The following RARS2 variants were observed in gnomAD, a reference collection of about 807,000 sequenced individuals.
The protein encoded by RARS2 is probable arginine--tRNA ligase, mitochondrial.
RARS2 carries 67 observed loss-of-function variants against 88.5 expected under a neutral mutation model. The observed-to-expected ratio is 0.76, with a 90% CI of 0.62 to 0.93. The LOEUF (loss-of-function observed/expected upper bound fraction) is 0.93, where lower values mean the gene tolerates loss of function less well. Among genes scored for constraint, RARS2 ranks in the 40% least tolerant of loss-of-function variants. The pLI is 0.00. For missense variants in RARS2, 664 were observed against 684.2 expected (o/e 0.97, Z 0.33); for synonymous variants, 239 against 230.3 (o/e 1.04, Z -0.34).
At chr6:87,524,494 T>G (rs1246164343) in intron 11 of RARS2, 63 bp downstream of exon 11, 7 of 1,227,556 alleles carry the variant, frequency 5.7e-6, no homozygotes, top group African/African-American at 1.5e-5. Flanking sequence ...TAATTGTACA[T>G]AGTGTTTCAT....
At chr6:87,540,902 A>G (rs12660483) in intron 8 of RARS2, among the ~76,000 whole-genome samples, 10,740 of 152,028 alleles carry the variant, frequency 0.071, 410 homozygotes, top group East Asian at 0.095. Flanking sequence ...AAAAGCACAC[A>G]CAATTTCAGA....
At chr6:87,563,514 A>G (rs994346259) in intron 3 of RARS2, among the ~76,000 whole-genome samples, 1 of 152,152 alleles carries the variant, frequency 6.6e-6, no homozygotes, top group African/African-American at 2.4e-5. Flanking sequence ...CATTGTTCCA[A>G]TTCTTTTGAG....
At chr6:87,549,242 G>C (rs1370496341) in intron 5 of RARS2, among the ~76,000 whole-genome samples, 5 of 152,010 alleles carry the variant, frequency 3.3e-5, no homozygotes, top group African/African-American at 1.2e-4. Context: ...TGTAATCCCA[G>C]CTATTTGGGA....
intron 8 of RARS2, among the ~76,000 whole-genome samples, chr6:87,536,637 G>GA (rs11459821): frequency 0.087 from 9,297 of 106,744 alleles, 358 homozygotes; most frequent in African/African-American, 0.15. Flanking sequence ...ACCCCATCAC[G>GA]AAAAAAAAAA....
At chr6:87,517,150 C>T (rs1049127561) in intron 17 of RARS2, among the ~76,000 whole-genome samples, 5 of 151,944 alleles carry the variant, frequency 3.3e-5, no homozygotes, top group African/African-American at 9.7e-5. Flanking sequence ...TGGTGGCACG[C>T]GCCTATAGTC....
At chr6:87,514,897 A>C in intron 19 of RARS2, 60 bp downstream of exon 19, 2 of 1,374,920 alleles carry the variant, frequency 1.5e-6, no homozygotes, top group African/African-American at 1.4e-5. Flanking sequence ...TACAAGACTG[A>C]CTTAGTAATA....
At chr6:87,519,202 G>GTGTGTGTGTGTT in intron 14 of RARS2, 1 of 272,010 alleles carries the variant, frequency 3.7e-6, no homozygotes, top group Non-Finnish European at 6.9e-6. Context: ...GTGTGTGTGT[G>GTGTGTGTGTGTT]TGTGTGTATA....
At chr6:87,585,495 C>A (rs1204686287) in intron 1 of RARS2, among the ~76,000 whole-genome samples, 2 of 152,104 alleles carry the variant, frequency 1.3e-5, no homozygotes, top group Admixed American at 1.3e-4. Flanking sequence ...CTTTGGGAGG[C>A]TGAGATGGGT....
At chr6:87,558,004 C>T (rs1046729644) in intron 4 of RARS2, among the ~76,000 whole-genome samples, 1 of 151,928 alleles carries the variant, frequency 6.6e-6, no homozygotes, top group African/African-American at 2.4e-5. Context: ...GGTGAAACCC[C>T]ATCTCTACTA....
At chr6:87,540,469 A>C (rs1004805539) in intron 8 of RARS2, among the ~76,000 whole-genome samples, 4 of 151,748 alleles carry the variant, frequency 2.6e-5, no homozygotes, top group Admixed American at 6.6e-5. Flanking sequence ...AAAAAAAAAA[A>C]ACTGGAATAT....
chr6:87,519,195 T>A, intron 14 of RARS2: 2 of 269,810 alleles, frequency 7.4e-6, no homozygotes, highest in South Asian at 4.3e-5. Context: ...TGTGTGTGTG[T>A]GTGTGTGTGT....
At chr6:87,532,478 A>G (rs1465113185) in intron 8 of RARS2, among the ~76,000 whole-genome samples, 2 of 152,222 alleles carry the variant, frequency 1.3e-5, no homozygotes, top group Non-Finnish European at 2.9e-5. Context: ...CCAACTCTCA[A>G]TAAAAACCTT....
chr6:87,544,552 G>A (rs1218996920), intron 7 of RARS2, among the ~76,000 whole-genome samples: 1 of 152,168 alleles, frequency 6.6e-6, no homozygotes, highest in Admixed American at 6.5e-5. Flanking sequence ...GTCAGAGAAT[G>A]CTTTATAGAA....
rs1554230097 is a variant in RARS2, at chr6:87,589,926, C to T, written c.32G>A (p.Cys11Tyr). MACGFRRAIA[C>Y]QLSRVLNLPP... ...TGCGCGCTCCGGGATCCATACCTGG[C>T]AAGCAATAGCGCGGCGAAAGCCGCA... The change falls in exon 1 of 20, where the codon TGC becomes TAC. Residue 11 changes from cysteine to tyrosine, a missense_variant. By Grantham distance (194) the Cys-to-Tyr change is radical. Transcript: ENST00000369536. 2 of 1,606,390 alleles carry T rather than the reference C, an allele frequency of 1.2e-6. No individual in the cohort carries two copies. Among genetic ancestry groups the T allele is most frequent in the Non-Finnish European group, 1.7e-6 (2 of 1,175,378 alleles).
At chr6:87,553,578 G>A (rs1273792248) in intron 5 of RARS2, among the ~76,000 whole-genome samples, 1 of 152,226 alleles carries the variant, frequency 6.6e-6, no homozygotes, top group Non-Finnish European at 1.5e-5. Context: ...GCATGGCTGT[G>A]TTCCAACAAA....
At chr6:87,516,069 A>G (rs530192070) in intron 18 of RARS2, 1 of 152,408 alleles carries the variant, frequency 6.6e-6, no homozygotes, top group South Asian at 2.1e-4. Flanking sequence ...GGTAAAAAGT[A>G]TAATCAAGAA....
intron 8 of RARS2, among the ~76,000 whole-genome samples, chr6:87,532,600 T>C (rs1777868359): frequency 6.6e-6 from 1 of 152,148 alleles, no homozygotes; most frequent in Non-Finnish European, 1.5e-5. Flanking sequence ...AATTTGGGAG[T>C]CTGGAAAGCC....
chr6:87,576,095 C>CGGCCAACACAAATATCA (rs1272053470), intron 1 of RARS2, among the ~76,000 whole-genome samples: 1 of 125,162 alleles, frequency 8.0e-6, no homozygotes, highest in African/African-American at 3.0e-5. Flanking sequence ...CCAATGCGCC[C>CGGCCAACACAAATATCA]AGCTGGATAA....
chr6:87,572,662 T>C (rs895948590), intron 1 of RARS2, among the ~76,000 whole-genome samples: 4 of 152,182 alleles, frequency 2.6e-5, no homozygotes, highest in African/African-American at 9.7e-5. Flanking sequence ...CCTCCTGGTC[T>C]CAAATGGTCC....
Sources: gnomAD v4.1 joint callset for allele counts (sites outside exome capture counted in the v4.1 genomes callset) on GRCh38, gnomAD v4.1.1 for gene constraint, MANE v1.5 for transcripts, NCBI Gene and HGNC (gene_info 2026-07-23, HGNC 2026-07-21) for gene names.